Variants in VIPR2 observed in about 807,000 individuals in gnomAD.
The protein encoded by VIPR2 is vasoactive intestinal polypeptide receptor 2.
Under a neutral mutation model 58.0 loss-of-function variants are expected in VIPR2, and 48 were observed. That is an observed-to-expected ratio of 0.83 (90% CI 0.66 to 1.05). VIPR2 has a LOEUF of 1.05. Ranked by LOEUF, VIPR2 falls within the 50% of genes least tolerant of loss-of-function variation. The pLI, the probability that VIPR2 is intolerant of heterozygous loss-of-function variation, is 0.00. For missense variants in VIPR2, 534 were observed against 558.0 expected, an observed-to-expected ratio of 0.96 and a Z score of 0.43; for synonymous variants, 243 against 235.2, an observed-to-expected ratio of 1.03 and a Z score of -0.30.
At chr7:159,071,754 C>T (rs1233892291) in intron 4 of VIPR2, among the ~76,000 whole-genome samples, 7 of 152,118 alleles carry the variant, frequency 4.6e-5, no homozygotes, top group South Asian at 2.1e-4. Flanking sequence ...ACAGCATGGC[C>T]GGGAACCCTG....
At chr7:159,078,179 C>G (rs573367967) in intron 4 of VIPR2, among the ~76,000 whole-genome samples, 18 of 152,320 alleles carry the variant, frequency 1.2e-4, no homozygotes, top group Non-Finnish European at 2.4e-4. Context: ...AACTTCCCCC[C>G]CTCATTTTAC....
At chr7:159,054,876 T>C (rs1179065541) in intron 5 of VIPR2, among the ~76,000 whole-genome samples, 1 of 152,242 alleles carries the variant, frequency 6.6e-6, no homozygotes, top group African/African-American at 2.4e-5. Flanking sequence ...TATTAGCATA[T>C]CTACTGGCAG....
chr7:159,045,513 C>CACATTACACA (rs1277131599), intron 5 of VIPR2, among the ~76,000 whole-genome samples: 1 of 152,186 alleles, frequency 6.6e-6, no homozygotes, highest in Non-Finnish European at 1.5e-5. Context: ...GCTGTGACAA[C>CACATTACACA]TAGATGTCCA....
chr7:159,104,329 C>T (rs1479261071), intron 3 of VIPR2, among the ~76,000 whole-genome samples: 2 of 150,722 alleles, frequency 1.3e-5, no homozygotes, highest in Non-Finnish European at 3.0e-5. Flanking sequence ...ACCCTCCCTC[C>T]TCCCGGCCAG....
At position 159,095,148 on chromosome 7, in the gene VIPR2, A is replaced by C. The variant is rs1857755334; in HGVS notation, c.357+8609T>G. Among the ~76,000 whole-genome samples, 1 of 152,196 alleles carries C rather than the reference A, an allele frequency of 6.6e-6. No individual in the cohort carries two copies. Among genetic ancestry groups the C allele is most frequent in the Non-Finnish European group, 1.5e-5 (1 of 68,036 alleles). On this transcript the variant is annotated intron_variant, in intron 4 of 12. Transcript: ENST00000262178. The surrounding 1 kb of genome is among the most constrained non-coding windows in gnomAD (Gnocchi z 5.2). Reference sequence around the variant, plus strand: ...GAGCCACCACAACCACACACAGCGCACTATCCTGGCCTGGAGTCTATGAAA... The same window carrying C: ...GAGCCACCACAACCACACACAGCGCCCTATCCTGGCCTGGAGTCTATGAAA...
At chr7:159,056,097 C>T in intron 5 of VIPR2, among the ~76,000 whole-genome samples, 1 of 152,218 alleles carries the variant, frequency 6.6e-6, no homozygotes, top group East Asian at 1.9e-4. Context: ...GCTGCACTCT[C>T]CACCTGGAGA....
At chr7:159,107,818 G>T (rs971541153) in intron 3 of VIPR2, among the ~76,000 whole-genome samples, 1 of 152,190 alleles carries the variant, frequency 6.6e-6, no homozygotes, top group South Asian at 2.1e-4. Flanking sequence ...CCAGGGTCCC[G>T]CCTGGCACAG....
At chr7:159,071,863 G>A (rs1454866691) in intron 4 of VIPR2, among the ~76,000 whole-genome samples, 2 of 148,966 alleles carry the variant, frequency 1.3e-5, no homozygotes, top group South Asian at 4.4e-4. Flanking sequence ...TCTAGGCTGG[G>A]AACCCTGCAG....
In VIPR2 at chr7:159,058,534, G is replaced by C; in HGVS notation, c.402C>G (p.Tyr134Ter). The C allele has an allele frequency of 1.2e-6, 2 of 1,613,556 alleles. No homozygotes were observed. The highest frequency in any genetic ancestry group is 1.7e-6 in the Non-Finnish European group (2 of 1,179,530). Residue 134 changes from tyrosine to a stop codon, truncating the protein, a stop_gained, in exon 5 of 13, where the codon TAC (tyrosine) becomes TAG (stop). Transcript: ENST00000262178. LOFTEE classifies it high-confidence loss of function. ...TTGCAAGAGACATCAGAGAGACACT[G>C]TAGCCCAGTGTATAAATGGCCTTCA... ...ILVKAIYTLG[Y>*]SVSLMSLATG... is the part of the protein sequence containing the mutation.
chr7:159,085,924 C>G (rs113719140), intron 4 of VIPR2, among the ~76,000 whole-genome samples: 1 of 152,114 alleles, frequency 6.6e-6, no homozygotes, highest in Non-Finnish European at 1.5e-5. Flanking sequence ...GCTGTGATGG[C>G]GGGTCCTTGT....
chr7:159,036,465 T>TAC (rs918023222), intron 7 of VIPR2, among the ~76,000 whole-genome samples: 2 of 151,912 alleles, frequency 1.3e-5, no homozygotes, highest in African/African-American at 4.8e-5. Context: ...AAAGGTGAAG[T>TAC]GGGTAGAGGC....
intron 2 of VIPR2, among the ~76,000 whole-genome samples, chr7:159,125,146 C>T (rs1294970469): frequency 1.3e-5 from 2 of 152,158 alleles, no homozygotes; most frequent in African/African-American, 2.4e-5. Flanking sequence ...TGCCTGACTG[C>T]CCTGGCTAGG....
At position 159,036,912 on chromosome 7, in the gene VIPR2, G is replaced by T. The variant is rs772155938; in HGVS notation, c.598-10C>A. 1 of 1,608,876 alleles carries T rather than the reference G, an allele frequency of 6.2e-7. No individual in the cohort carries two copies. Among genetic ancestry groups the T allele is most frequent in the South Asian group, 1.1e-5 (1 of 90,560 alleles). Reference sequence around the variant, plus strand: ...TCAGCTTGCAGCCCACCTGGAAACCGCAAACAGAGGAGAGGAAAGCATGAC... The same window carrying T: ...TCAGCTTGCAGCCCACCTGGAAACCTCAAACAGAGGAGAGGAAAGCATGAC... On this transcript the variant is annotated splice_polypyrimidine_tract_variant and intron_variant, in intron 6 of 12. Transcript: ENST00000262178.
chr7:159,044,591 A>C (rs79455806), intron 5 of VIPR2, among the ~76,000 whole-genome samples: 3 of 5,472 alleles, frequency 5.5e-4, no homozygotes, highest in African/African-American at 6.5e-4. Flanking sequence ...TAAAGAGTGC[A>C]AAAAAAAAAA....
At chr7:159,063,352 C>T (rs1299828480) in intron 4 of VIPR2, among the ~76,000 whole-genome samples, 1 of 152,092 alleles carries the variant, frequency 6.6e-6, no homozygotes, top group African/African-American at 2.4e-5. Flanking sequence ...CTGGGGGAAC[C>T]CGGTGCACCC....
chr7:159,088,945 T>G (rs1423412533), intron 4 of VIPR2, among the ~76,000 whole-genome samples: 2 of 1,274 alleles, frequency 1.6e-3, no homozygotes, highest in African/African-American at 8.5e-3. Context: ...TCCTCATCTG[T>G]GGAATGGGAA....
intron 2 of VIPR2, among the ~76,000 whole-genome samples, chr7:159,138,143 C>G (rs571855968): frequency 1.3e-5 from 2 of 152,212 alleles, no homozygotes; most frequent in East Asian, 1.9e-4. Context: ...GCAGCTGAGC[C>G]GAGACCACAG....
At chr7:159,122,151 T>C (rs756550758) in intron 2 of VIPR2, among the ~76,000 whole-genome samples, 5 of 152,114 alleles carry the variant, frequency 3.3e-5, no homozygotes, top group Admixed American at 6.5e-5. Flanking sequence ...AAAAGCATAA[T>C]AGGAGGTCAA....
In VIPR2 at chr7:159,096,947, A is replaced by G; in HGVS notation, c.357+6810T>C. The G allele has an allele frequency of 3.9e-6, 6 of 1,550,508 alleles. No homozygotes were observed. The highest frequency in any genetic ancestry group is 5.2e-6 in the Non-Finnish European group (6 of 1,146,996). The stretch of plus-strand genomic sequence containing the variant: ...GCCAATGCCCTCGTGGCTGGCATTG[A>G]GCTTGGCACCTGCTGGGCCTGAGGA... On this transcript the variant is annotated intron_variant, in intron 4 of 12. Transcript: ENST00000262178. The surrounding 1 kb of genome is among the most constrained non-coding windows in gnomAD (Gnocchi z 5.5).
Sources: allele counts gnomAD v4.1 joint callset (sites outside exome capture counted in the v4.1 genomes callset), GRCh38; gene constraint gnomAD v4.1.1; non-coding constraint Gnocchi (gnomAD v3.1); transcripts MANE v1.5; gene names NCBI Gene and HGNC (gene_info 2026-07-23, HGNC 2026-07-21).